AS3MT: variants seen among roughly 807,000 people sequenced by gnomAD.
AS3MT encodes the protein arsenite methyltransferase.
A neutral mutation model predicts 45.3 loss-of-function variants in AS3MT; 47 were observed. That is an observed-to-expected ratio of 1.04 (90% confidence interval 0.82 to 1.32). The LOEUF (loss-of-function observed/expected upper bound fraction) is 1.32. AS3MT is among the 40% of genes most tolerant of loss of function. The pLI is 0.00. For missense variants in AS3MT, 396 were observed against 451.1 expected (o/e 0.88, Z 1.11); for synonymous variants, 141 against 152.8 (o/e 0.92, Z 0.57).
Position 102,890,636 on chromosome 10 carries a change from G to A in AS3MT, c.978G>A (p.Glu326=), listed in dbSNP as rs185077443. 6.2e-7 allele frequency: 1 copy of A among 1,613,676 alleles called. No homozygotes were observed. Among genetic ancestry groups the A allele is most frequent in the Non-Finnish European group, 8.5e-7 (1 of 1,179,832 alleles). Residue 326 remains glutamate (E), a synonymous_variant, in exon 10 of 11, where the codon GAG becomes GAA. Coordinates refer to ENST00000369880, the MANE Select transcript of AS3MT (RefSeq NM_020682.4). The part of the protein sequence containing the change: ...AQDFLIRPIG[E]KLPTSGGCSA... ...ATTTTCTGATCAGACCAATTGGAGA[G>A]AAGTTGCCAACATCTGGAGGCTGTT...
At position 102,871,403 on chromosome 10, in the gene AS3MT, C is replaced by T. The variant is rs558233080; in HGVS notation, c.171-1045C>T. On this transcript the variant is annotated intron_variant, in intron 3 of 10. Transcript: ENST00000369880. ...CTACTAAAAATACAAAAATATTATC[C>T]GGGTGTGGCGGCACGCGCCTGTAGT... Among the ~76,000 whole-genome samples, 35 of 151,492 alleles carry T rather than the reference C, an allele frequency of 2.3e-4. No homozygotes were observed. The East Asian group carries it at 2.5e-3, about 11-fold the overall frequency.
At chr10:102,870,331 T>C in intron 3 of AS3MT, 120 bp downstream of exon 3, 1 of 1,318,182 alleles carries the variant, frequency 7.6e-7, no homozygotes, top group Non-Finnish European at 1.1e-6. Context: ...CCTTGTCTAT[T>C]GTAAAAATCC....
At chr10:102,872,690 A>G (rs1016091485) in intron 4 of AS3MT, 92 bp downstream of exon 4, 8 of 1,380,504 alleles carry the variant, frequency 5.8e-6, no homozygotes, top group Non-Finnish European at 6.8e-6. Context: ...TTCAAGGATA[A>G]TTTAAGAAAG....
chr10:102,876,894 T>C (rs1242752768), intron 6 of AS3MT, 60 bp from the exon 7 acceptor site: 2 of 1,510,624 alleles, frequency 1.3e-6, no homozygotes, highest in Non-Finnish European at 1.8e-6. Context: ...CCTTTCTTTG[T>C]TATGTGGGGT....
intron 8 of AS3MT, 96 bp downstream of exon 8, chr10:102,878,606 G>A: frequency 6.7e-7 from 1 of 1,489,610 alleles, no homozygotes; most frequent in East Asian, 2.3e-5. Flanking sequence ...TCTCATTGAG[G>A]GATACTTTCT....
At chr10:102,874,026 A>G (rs889308347) in intron 5 of AS3MT, among the ~76,000 whole-genome samples, 1 of 152,156 alleles carries the variant, frequency 6.6e-6, no homozygotes, top group Non-Finnish European at 1.5e-5. Flanking sequence ...AGGCCGAGGC[A>G]GGTGGATCAC....
chr10:102,882,694 G>A (rs942288615), intron 9 of AS3MT, among the ~76,000 whole-genome samples: 6 of 151,804 alleles, frequency 4.0e-5, no homozygotes, highest in Admixed American at 6.6e-5. Context: ...GGTTCAAGCC[G>A]ATTCTCCTGC....
intron 10 of AS3MT, among the ~76,000 whole-genome samples, chr10:102,897,987 A>G (rs940574833): frequency 1.3e-5 from 2 of 152,174 alleles, no homozygotes; most frequent in African/African-American, 4.8e-5. Context: ...CAGATGTGCC[A>G]ATGTCTTTAG....
intron 7 of AS3MT, among the ~76,000 whole-genome samples, chr10:102,878,007 TCCCAA>T (rs1270614323): frequency 6.6e-6 from 1 of 152,092 alleles, no homozygotes; most frequent in East Asian, 1.9e-4. Flanking sequence ...CACCTCGGCC[TCCCAA>T]AGTGCTGGGA....
In AS3MT at chr10:102,870,194, CGAA is replaced by C; in HGVS notation, c.158_160del (p.Glu53del). ...TCCGGGAAGCCTTGCAAAATGTACA[CGAA>C]GAAGTAGCCCTAAGGTAGAGTGCCC... is the stretch of plus-strand genomic sequence containing the variant. On this transcript the variant is annotated inframe_deletion, in exon 3 of 11. Transcript: ENST00000369880. 1 of 1,614,198 alleles carries C rather than the reference CGAA, an allele frequency of 6.2e-7. No homozygotes were observed. The highest frequency in any genetic ancestry group is 8.5e-7 in the Non-Finnish European group (1 of 1,180,048).
intron 10 of AS3MT, among the ~76,000 whole-genome samples, chr10:102,895,261 G>A (rs1372270325): frequency 7.3e-5 from 11 of 150,914 alleles, no homozygotes; most frequent in Non-Finnish European, 1.5e-5. Context: ...GCAGTGGCAC[G>A]ATCTTGGCTC....
At chr10:102,900,074 C>T (rs1214226832) in intron 10 of AS3MT, among the ~76,000 whole-genome samples, 1 of 152,174 alleles carries the variant, frequency 6.6e-6, no homozygotes, top group African/African-American at 2.4e-5. Context: ...ATAAATACAG[C>T]AGTCTTGTCT....
At chr10:102,877,131 C>A in intron 7 of AS3MT, 96 bp downstream of exon 7, 1 of 1,217,170 alleles carries the variant, frequency 8.2e-7, no homozygotes, top group Non-Finnish European at 1.2e-6. Context: ...TATGAGATCA[C>A]ATGGGGTTAG....
intron 5 of AS3MT, among the ~76,000 whole-genome samples, 161 bp downstream of exon 5, chr10:102,873,394 C>A (rs958242475): frequency 7.9e-5 from 12 of 152,062 alleles, no homozygotes; most frequent in Non-Finnish European, 4.4e-5. Flanking sequence ...GATTCTCTTG[C>A]CTCAGCCTCT....
At chr10:102,897,507 T>C (rs1415788765) in intron 10 of AS3MT, among the ~76,000 whole-genome samples, 6 of 150,436 alleles carry the variant, frequency 4.0e-5, no homozygotes. Context: ...TCTCGCTCTG[T>C]CACCCAGGCT....
rs145808806 is a variant in AS3MT at position 102,899,082 on chromosome 10, T to C, written c.1021-1511T>C. 1.9e-3 allele frequency among the ~76,000 whole-genome samples: 296 copies of C among 152,320 alleles called. 3 individuals carry two copies. The highest frequency in any genetic ancestry group is 6.8e-3 in the African/African-American group (284 of 41,568). The stretch of plus-strand genomic sequence containing the variant: ...GATATCACCATCTCCTGTTGGTAGA[T>C]AGATCATTGAGTGGAAAGAAGAGGG... On this transcript the variant is annotated intron_variant, in intron 10 of 10. Transcript: ENST00000369880.
In AS3MT at chr10:102,896,072, G is replaced by A. The variant is rs1019245036; in HGVS notation, c.1021-4521G>A. 5.9e-5 allele frequency among the ~76,000 whole-genome samples: 9 copies of A among 151,434 alleles called. No individual in the cohort carries two copies. In the East Asian group the frequency reaches 6.0e-4, roughly 10 times the overall value. ...ATTACAGGCATGAGCCACCGTGCCC[G>A]GCCAATCCCAGCACTTTGGGAGGCT... On this transcript the variant is annotated intron_variant, in intron 10 of 10. Transcript: ENST00000369880.
intron 3 of AS3MT, among the ~76,000 whole-genome samples, chr10:102,870,424 T>C (rs4917986): frequency 0.11 from 17,310 of 152,172 alleles, 1,004 homozygotes; most frequent in Middle Eastern, 0.18. Flanking sequence ...TCCCAAGTGC[T>C]TGGGAGGCTG....
chr10:102,870,190 T>A lies in AS3MT; in HGVS notation c.149T>A (p.Val50Glu), dbSNP rs1844654665. 3 of 1,614,076 alleles carry A rather than the reference T, an allele frequency of 1.9e-6. No individual in the cohort carries two copies. The highest frequency in any genetic ancestry group is 2.5e-6 in the Non-Finnish European group (3 of 1,180,050). Residue 50 changes from valine to glutamate, a missense_variant, in exon 3 of 11, where the codon GTA becomes GAA. Physicochemically the swap from Val to Glu is moderately radical, Grantham distance 121. Coordinates refer to ENST00000369880, the MANE Select transcript of AS3MT (RefSeq NM_020682.4). ...PKHIREALQN[V>E]HEEVALRYYG... ...CACATCCGGGAAGCCTTGCAAAATGTACACGAAGAAGTAGCCCTAAGGTAG... is the reference window on the plus strand; with the variant it reads ...CACATCCGGGAAGCCTTGCAAAATGAACACGAAGAAGTAGCCCTAAGGTAG...
Sources: allele counts gnomAD v4.1 joint callset (sites outside exome capture counted in the v4.1 genomes callset), GRCh38; gene constraint gnomAD v4.1.1; transcripts MANE v1.5; gene names NCBI Gene and HGNC (gene_info 2026-07-23, HGNC 2026-07-21).